TNRC18: variants seen among roughly 807,000 people sequenced by gnomAD.
TNRC18 encodes the protein trinucleotide repeat containing 18, also known as trinucleotide repeat-containing gene 18 protein.
Under a neutral mutation model 226.7 loss-of-function variants are expected in TNRC18, and 69 were observed. The ratio of observed to expected loss-of-function variants is 0.30; its 90% CI spans 0.25 to 0.37. TNRC18 has a LOEUF of 0.37. Among genes scored for constraint, TNRC18 ranks in the 10% least tolerant of loss-of-function variants. The probability of loss-of-function intolerance (pLI) is 1.00; values close to 1 mark genes in which losing one functional copy is unlikely to be tolerated. For missense variants in TNRC18, 4,754 were observed against 4,256.6 expected, an observed-to-expected ratio of 1.12 and a Z score of -3.25; for synonymous variants, 2,449 against 1,927.6, an observed-to-expected ratio of 1.27 and a Z score of -7.09.
At chr7:5,361,507 G>A in intron 14 of TNRC18, 87 bp downstream of exon 14, 1 of 1,397,214 alleles carries the variant, frequency 7.2e-7, no homozygotes, top group Non-Finnish European at 9.3e-7. Context: ...AGGTCCCCCA[G>A]CACCCCGAGG....
At chr7:5,371,890 G>T (rs1794189776) in intron 10 of TNRC18, among the ~76,000 whole-genome samples, 1 of 152,166 alleles carries the variant, frequency 6.6e-6, no homozygotes. Flanking sequence ...GAGCAACAGA[G>T]TGAGACCCCA....
At position 5,374,306 on chromosome 7, in the gene TNRC18, G is replaced by A. The variant is rs1224015562; in HGVS notation, c.2978C>T (p.Pro993Leu). 4 of 1,448,010 alleles carry A rather than the reference G, an allele frequency of 2.8e-6. No individual in the cohort carries two copies. Among genetic ancestry groups the A allele is most frequent in the Non-Finnish European group, 3.6e-6 (4 of 1,105,318 alleles). 89.7% of individuals were successfully genotyped at this position (1,448,010 alleles called of 1,614,324 possible). ...AGTYGKAVSP[P>L]PSPRASPVAA... ...CACAGGGGATGCGCGGGGTGATGGT[G>A]GCGGGCTCACGGCCTTGCCGTAGGT... The change falls in exon 10 of 30, where the codon CCA becomes CTA. Residue 993 changes from proline to leucine, a missense_variant. Coordinates refer to ENST00000430969, the MANE Select transcript of TNRC18 (RefSeq NM_001080495.3).
intron 3 of TNRC18, among the ~76,000 whole-genome samples, chr7:5,391,767 G>A (rs868431975): frequency 6.6e-6 from 1 of 150,394 alleles, no homozygotes; most frequent in Admixed American, 6.6e-5. Flanking sequence ...GAGGCCGATG[G>A]GGGAGGATTG....
chr7:5,335,039 C>A (rs1414585739), intron 18 of TNRC18, among the ~76,000 whole-genome samples: 1 of 152,066 alleles, frequency 6.6e-6, no homozygotes, highest in Non-Finnish European at 1.5e-5. Flanking sequence ...CAGTGGCTCA[C>A]AACTGTAATC....
chr7:5,411,215 C>CAAAAAAAA (rs35392221), intron 2 of TNRC18, among the ~76,000 whole-genome samples: 3 of 75,952 alleles, frequency 3.9e-5, no homozygotes, highest in African/African-American at 5.3e-5. Context: ...GACTCCATCT[C>CAAAAAAAA]AAAAAAAAAA....
At chr7:5,387,629 GACCCAAGATCCT>G (rs1562594000) in intron 5 of TNRC18, 31 bp downstream of exon 5, 9 of 1,596,368 alleles carry the variant, frequency 5.6e-6, no homozygotes, top group Non-Finnish European at 7.6e-6. Context: ...ACGGCAGAGA[GACCCAAGATCCT>G]ACCCGCACCT....
At position 5,388,861 on chromosome 7, in the gene TNRC18, C is replaced by T. The variant is rs753710330; in HGVS notation, c.963G>A (p.Thr321=). 2.2e-5 allele frequency: 28 copies of T among 1,276,512 alleles called. No homozygotes were observed. Among genetic ancestry groups the T allele is most frequent in the Non-Finnish European group, 2.3e-5 (23 of 1,007,812 alleles). 79.1% of individuals were successfully genotyped at this position (1,276,512 alleles called of 1,614,324 possible). A position where few individuals can be genotyped will look rare whatever the true frequency, so the allele number is the denominator to read the frequency against. The change falls in exon 5 of 30, where the codon ACG becomes ACA. Residue 321 remains threonine, a synonymous_variant. Transcript: ENST00000430969. ...QDEGARLLRR[T]ETLLPGPRPC... is the part of the protein sequence containing the mutation. ...GGCGCGGCCCAGGGAGCAGGGTCTC[C>T]GTGCGCCGCAGCAGCCGCGCGCCCT...
chr7:5,366,269 G>A (rs1034901830), intron 11 of TNRC18, among the ~76,000 whole-genome samples: 3 of 146,504 alleles, frequency 2.0e-5, no homozygotes, highest in East Asian at 2.0e-4. Flanking sequence ...GTCCCCTGGG[G>A]GGACAAAATC....
chr7:5,355,253 G>A (rs1407670822), intron 16 of TNRC18, among the ~76,000 whole-genome samples: 1 of 151,706 alleles, frequency 6.6e-6, no homozygotes, highest in Admixed American at 6.6e-5. Flanking sequence ...CCATAACCAT[G>A]AGGACGCTCC....
At chr7:5,413,324 C>T (rs1284519713) in intron 2 of TNRC18, among the ~76,000 whole-genome samples, 2 of 152,102 alleles carry the variant, frequency 1.3e-5, no homozygotes, top group African/African-American at 2.4e-5. Flanking sequence ...TGCCCCTCCC[C>T]ATCCCTCCAC....
At chr7:5,412,319 T>C (rs1417849082) in intron 2 of TNRC18, among the ~76,000 whole-genome samples, 1 of 151,314 alleles carries the variant, frequency 6.6e-6, no homozygotes, top group Non-Finnish European at 1.5e-5. Flanking sequence ...CTTACGCCTG[T>C]AATCCCAGCA....
At chr7:5,365,812 G>A (rs1175049479) in intron 11 of TNRC18, among the ~76,000 whole-genome samples, 3 of 151,916 alleles carry the variant, frequency 2.0e-5, no homozygotes, top group Non-Finnish European at 4.4e-5. Flanking sequence ...GCTCACGTCT[G>A]TAATCCCAGC....
intron 4 of TNRC18, chr7:5,389,615 C>G: frequency 2.1e-5 from 5 of 242,552 alleles, no homozygotes; most frequent in Non-Finnish European, 3.9e-5. Flanking sequence ...CCACCACGCA[C>G]GGCTAATTAT....
At chr7:5,404,806 G>C (rs991320499) in intron 2 of TNRC18, among the ~76,000 whole-genome samples, 1 of 148,670 alleles carries the variant, frequency 6.7e-6, no homozygotes, top group Non-Finnish European at 1.5e-5. Flanking sequence ...AAAATGAAAA[G>C]GTGTCTCTAA....
rs1786968622 is a variant in TNRC18 at position 5,309,519 on chromosome 7, T to C, written c.8389-151A>G. On this transcript the variant is annotated intron_variant, in intron 27 of 29. Transcript: ENST00000430969. This position sits in a 1 kb window ranked among gnomAD's most constrained non-coding sequence, Gnocchi z 5.7. Reference sequence around the variant, plus strand: ...GAGATGAGGAAGCTCCTTGTCTCGCTTCAAGTGGGGAAGCCCCTCTTCCAT... The same window carrying C: ...GAGATGAGGAAGCTCCTTGTCTCGCCTCAAGTGGGGAAGCCCCTCTTCCAT... Among the ~76,000 whole-genome samples, 1 of 152,252 alleles carries C rather than the reference T, an allele frequency of 6.6e-6. No individual in the cohort carries two copies. The highest frequency in any genetic ancestry group is 6.5e-5 in the Admixed American group (1 of 15,294).
Position 5,325,191 on chromosome 7 carries a change from C to A in TNRC18, c.6205G>T (p.Ala2069Ser). Residue 2069 changes from alanine to serine, a missense_variant, in exon 20 of 30, where the codon GCC (alanine) becomes TCC (serine). Transcript: ENST00000430969. ...GGAGCCCTGGCCTCAGAGGGCAAGG[C>A]AGGAGCTCGGGGCGGCGGCAGCCCA... ...GAGLPPPRAP[A>S]LPSEARAPHA... 6.4e-7 allele frequency: 1 copy of A among 1,554,510 alleles called. No individual in the cohort carries two copies. The highest frequency in any genetic ancestry group is 8.7e-7 in the Non-Finnish European group (1 of 1,149,866).
chr7:5,335,170 G>T (rs1057217160), intron 18 of TNRC18, among the ~76,000 whole-genome samples: 15 of 151,826 alleles, frequency 9.9e-5, no homozygotes, highest in African/African-American at 3.6e-4. Context: ...GGGCATGGTG[G>T]CGGGTGCCTA....
intron 14 of TNRC18, 105 bp from the exon 15 acceptor site, chr7:5,359,674 G>A (rs533888577): frequency 1.3e-4 from 161 of 1,257,456 alleles, no homozygotes; most frequent in Admixed American, 1.7e-4. Context: ...CCCTGAGCGT[G>A]GACAGTGATG....
intron 11 of TNRC18, among the ~76,000 whole-genome samples, chr7:5,365,486 G>GA (rs1381095047): frequency 6.6e-6 from 1 of 152,056 alleles, no homozygotes; most frequent in Non-Finnish European, 1.5e-5. Context: ...TCACCAGTGT[G>GA]ATGAATATGA....
Sources: gnomAD v4.1 joint callset for allele counts (sites outside exome capture counted in the v4.1 genomes callset) on GRCh38, gnomAD v4.1.1 for gene constraint, Gnocchi (gnomAD v3.1) non-coding constraint, MANE v1.5 for transcripts, NCBI Gene and HGNC (gene_info 2026-07-23, HGNC 2026-07-21) for gene names.